The following RALYL variants were observed in gnomAD, a reference collection of about 807,000 sequenced individuals.
RALYL encodes RNA-binding Raly-like protein.
Under a neutral mutation model 35.1 loss-of-function variants are expected in RALYL, and 29 were observed. The observed-to-expected ratio is 0.83, with a 90% CI of 0.61 to 1.13. RALYL has a LOEUF of 1.13. RALYL is among the 50% of genes most tolerant of loss of function. RALYL has a pLI of 0.00. For missense variants in RALYL, 359 were observed against 360.4 expected (o/e 1.00, Z 0.03); for synonymous variants, 120 against 127.6 (o/e 0.94, Z 0.40).
intron 1 of RALYL, among the ~76,000 whole-genome samples, chr8:84,311,757 A>C (rs1842863871): frequency 6.6e-6 from 1 of 152,234 alleles, no homozygotes; most frequent in African/African-American, 2.4e-5. Flanking sequence ...GCCATGCTGG[A>C]TATTGAAATT....
At chr8:84,387,488 C>G (rs1311027398) in intron 1 of RALYL, among the ~76,000 whole-genome samples, 1 of 151,878 alleles carries the variant, frequency 6.6e-6, no homozygotes, top group Non-Finnish European at 1.5e-5. Flanking sequence ...CAAAATCACT[C>G]CTCTCCCCTT....
At chr8:84,807,578 A>G (rs557644644) in intron 4 of RALYL, among the ~76,000 whole-genome samples, 2 of 152,262 alleles carry the variant, frequency 1.3e-5, no homozygotes, top group East Asian at 1.9e-4. Context: ...TTAGTTCTTT[A>G]AAGAATCTTT....
chr8:84,569,263 T>G (rs1411891504), intron 2 of RALYL, among the ~76,000 whole-genome samples: 3 of 152,120 alleles, frequency 2.0e-5, no homozygotes, highest in African/African-American at 7.2e-5. Context: ...GCTTTCTACA[T>G]ATGGCTAGCC....
At chr8:84,843,451 C>G (rs529773739) in intron 4 of RALYL, among the ~76,000 whole-genome samples, 9 of 152,216 alleles carry the variant, frequency 5.9e-5, no homozygotes, top group African/African-American at 2.2e-4. Flanking sequence ...CAAACCACTG[C>G]TCAATGAAAT....
chr8:84,756,160 T>TC (rs767910679), intron 2 of RALYL, among the ~76,000 whole-genome samples: 2 of 151,462 alleles, frequency 1.3e-5, no homozygotes, highest in East Asian at 1.9e-4. Context: ...CTATTTCTCA[T>TC]CCCCCCCAAA....
chr8:84,725,334 A>G (rs1467642696), intron 2 of RALYL, among the ~76,000 whole-genome samples: 2 of 151,764 alleles, frequency 1.3e-5, no homozygotes, highest in African/African-American at 4.8e-5. Flanking sequence ...TTCCATTACT[A>G]TAGAAATTTG....
At chr8:84,381,519 C>A (rs2131607211) in intron 1 of RALYL, among the ~76,000 whole-genome samples, 1 of 151,788 alleles carries the variant, frequency 6.6e-6, no homozygotes, top group African/African-American at 2.4e-5. Context: ...TTTTTTCTAC[C>A]ATTTTCATAT....
At chr8:84,569,711 T>C (rs768908842) in intron 2 of RALYL, among the ~76,000 whole-genome samples, 4 of 151,952 alleles carry the variant, frequency 2.6e-5, no homozygotes, top group Non-Finnish European at 5.9e-5. Context: ...AAGATTTTTA[T>C]AGTTTTAGGT....
chr8:84,775,976 A>AGG lies in RALYL; in HGVS notation c.332+1322_332+1323insGG, dbSNP rs1470305156. 3.9e-5 allele frequency among the ~76,000 whole-genome samples: 6 copies of AGG among 152,196 alleles called. No homozygotes were observed. In the East Asian group the frequency reaches 9.6e-4, roughly 24 times the overall value. On this transcript the variant is annotated intron_variant, in intron 3 of 8. Coordinates refer to ENST00000521268, the MANE Select transcript of RALYL (RefSeq NM_173848.7). ...ATTGAGATCTCCTGTCATCCTATTT[A>AGG]TTTGGTTTTCTCCCAGATACATATC... is the stretch of plus-strand genomic sequence containing the variant.
intron 1 of RALYL, among the ~76,000 whole-genome samples, chr8:84,444,344 CA>C: frequency 6.6e-6 from 1 of 151,750 alleles, no homozygotes; most frequent in Non-Finnish European, 1.5e-5. Context: ...AGCAAACAAA[CA>C]AGCAAAAAAA....
At chr8:84,545,091 G>T (rs926400311) in intron 2 of RALYL, among the ~76,000 whole-genome samples, 1 of 151,818 alleles carries the variant, frequency 6.6e-6, no homozygotes, top group African/African-American at 2.4e-5. Context: ...TTATCCATGT[G>T]GAATTTACAC....
chr8:84,344,235 A>G (rs975433859), intron 1 of RALYL, among the ~76,000 whole-genome samples: 2 of 152,104 alleles, frequency 1.3e-5, no homozygotes, highest in Admixed American at 1.3e-4. Context: ...AAATACTTGT[A>G]AATCTTACAA....
chr8:84,480,297 T>C (rs1250873003), intron 1 of RALYL, among the ~76,000 whole-genome samples: 1 of 152,160 alleles, frequency 6.6e-6, no homozygotes, highest in African/African-American at 2.4e-5. Context: ...TACTGACTCA[T>C]TATCATCATC....
chr8:84,204,629 T>C (rs1817658177), intron 1 of RALYL, among the ~76,000 whole-genome samples: 1 of 152,172 alleles, frequency 6.6e-6, no homozygotes, highest in African/African-American at 2.4e-5. Context: ...CATACTATGT[T>C]CCCCAAAGTA....
chr8:84,210,220 G>A (rs1357548026), intron 1 of RALYL, among the ~76,000 whole-genome samples: 1 of 151,870 alleles, frequency 6.6e-6, no homozygotes, highest in Non-Finnish European at 1.5e-5. Flanking sequence ...ATATATATGT[G>A]TGTATGTGTA....
At chr8:84,246,551 A>G (rs1829140529) in intron 1 of RALYL, among the ~76,000 whole-genome samples, 1 of 152,074 alleles carries the variant, frequency 6.6e-6, no homozygotes, top group Non-Finnish European at 1.5e-5. Flanking sequence ...TATGGAAAAT[A>G]TGATAGGAAA....
chr8:84,810,171 T>A (rs1481209969), intron 4 of RALYL, among the ~76,000 whole-genome samples: 3 of 152,156 alleles, frequency 2.0e-5, no homozygotes, highest in African/African-American at 7.2e-5. Flanking sequence ...CCAGAGGTTT[T>A]GATAGGTTGT....
intron 1 of RALYL, among the ~76,000 whole-genome samples, chr8:84,427,630 T>G (rs888466752): frequency 2.0e-5 from 3 of 152,180 alleles, no homozygotes; most frequent in African/African-American, 4.8e-5. Context: ...TATGTATTAC[T>G]CATCTTCCCA....
chr8:84,717,372 G>A (rs1040800937), intron 2 of RALYL, among the ~76,000 whole-genome samples: 2 of 152,058 alleles, frequency 1.3e-5, no homozygotes, highest in African/African-American at 2.4e-5. Context: ...ATTTGTTTGG[G>A]GAAGATACTA....
Sources: allele counts gnomAD v4.1 joint callset (sites outside exome capture counted in the v4.1 genomes callset), GRCh38; gene constraint gnomAD v4.1.1; transcripts MANE v1.5; gene names NCBI Gene and HGNC (gene_info 2026-07-23, HGNC 2026-07-21).